The following C1orf21 variants were observed in gnomAD, a reference collection of about 807,000 sequenced individuals.
C1orf21 encodes chromosome 1 open reading frame 21.
In C1orf21, 3 loss-of-function variants were observed where a neutral mutation model predicts 18.7. The observed-to-expected ratio is 0.16, with a 90% confidence interval of 0.07 to 0.42. The LOEUF is 0.42. Among genes scored for constraint, C1orf21 ranks in the 10% least tolerant of loss-of-function variants. The probability of loss-of-function intolerance (pLI) is 0.99; values close to 1 mark genes in which losing one functional copy is unlikely to be tolerated. For synonymous variants in C1orf21, 41 were observed against 46.4 expected (o/e 0.88, Z 0.47); for missense variants, 104 against 143.6 (o/e 0.72, Z 1.41).
intron 2 of C1orf21, among the ~76,000 whole-genome samples, chr1:184,486,594 G>A (rs564917332): frequency 2.6e-5 from 4 of 152,060 alleles, no homozygotes; most frequent in Non-Finnish European, 5.9e-5. Context: ...GCTAGATGCC[G>A]CCTTGATGCC....
At chr1:184,588,747 T>C (rs565409067) in intron 3 of C1orf21, among the ~76,000 whole-genome samples, 19 of 152,252 alleles carry the variant, frequency 1.2e-4, no homozygotes, top group Non-Finnish European at 2.6e-4. Flanking sequence ...TGGTTATTAT[T>C]GGTCTTGGTG....
intron 3 of C1orf21, among the ~76,000 whole-genome samples, chr1:184,559,883 C>T (rs766335577): frequency 2.0e-5 from 3 of 152,094 alleles, no homozygotes; most frequent in Non-Finnish European, 2.9e-5. Context: ...TCCCAAAGTG[C>T]TAGGATTACA....
chr1:184,547,528 A>T (rs1354279139), intron 3 of C1orf21, among the ~76,000 whole-genome samples: 4 of 151,030 alleles, frequency 2.6e-5, no homozygotes, highest in South Asian at 4.2e-4. Context: ...ACAGGGAGGA[A>T]ATCTAGGAAA....
chr1:184,577,886 T>C (rs998744561), intron 3 of C1orf21, among the ~76,000 whole-genome samples: 2 of 152,102 alleles, frequency 1.3e-5, no homozygotes, highest in Non-Finnish European at 1.5e-5. Flanking sequence ...CAGAAAAATC[T>C]AGTTTTAAAG....
Position 184,512,003 on chromosome 1 carries a change from T to C in C1orf21, c.189+4321T>C, listed in dbSNP as rs77020706. On this transcript the variant is annotated intron_variant, in intron 3 of 5. Coordinates refer to ENST00000235307, the MANE Select transcript of C1orf21 (RefSeq NM_030806.4). ...TGGGTAGGCACACAGAGCCAGACTG[T>C]ATCACTTGAGTGTAAATGGGGCAGC... Among the ~76,000 whole-genome samples the C allele has an allele frequency of 3.0e-3, 464 of 152,256 alleles. 1 individual carries two copies. Among genetic ancestry groups the C allele is most frequent in the Middle Eastern group, 0.02 (6 of 294 alleles).
intron 1 of C1orf21, among the ~76,000 whole-genome samples, chr1:184,441,091 G>A (rs1035394052): frequency 4.6e-5 from 7 of 152,174 alleles, no homozygotes; most frequent in African/African-American, 1.7e-4. Context: ...TAAGTCTTCT[G>A]TTAGCAGAAA....
chr1:184,457,522 A>G (rs750832466), intron 1 of C1orf21, among the ~76,000 whole-genome samples: 1 of 152,190 alleles, frequency 6.6e-6, no homozygotes, highest in Non-Finnish European at 1.5e-5. Flanking sequence ...GAATAAGTCT[A>G]CCGCAGGCAA....
intron 1 of C1orf21, among the ~76,000 whole-genome samples, chr1:184,446,164 G>C (rs1350355034): frequency 6.6e-6 from 1 of 152,090 alleles, no homozygotes; most frequent in African/African-American, 2.4e-5. Flanking sequence ...TTATTGCGAT[G>C]GATGTCAGTT....
In C1orf21 at chr1:184,628,186, TC is replaced by T. The variant is rs1485290519; in HGVS notation, c.*8632del. 6.6e-6 allele frequency: 1 copy of T among 152,198 alleles called. No individual in the cohort carries two copies. Among genetic ancestry groups the T allele is most frequent in the African/African-American group, 2.4e-5 (1 of 41,450 alleles). The allele number at this position is 152,198 out of a possible 1,614,324, so 9.4% of individuals were successfully genotyped here. Reference sequence around the variant, plus strand: ...AACCACTCTGCCTGCACATGAATTCTCCAAAGCAGTGGGCCCCCATCTGTTT... The same window carrying T: ...AACCACTCTGCCTGCACATGAATTCTCAAAGCAGTGGGCCCCCATCTGTTT... On this transcript the variant is annotated 3_prime_UTR_variant, in exon 6 of 6. Coordinates refer to ENST00000235307, the MANE Select transcript of C1orf21 (RefSeq NM_030806.4).
intron 3 of C1orf21, among the ~76,000 whole-genome samples, chr1:184,573,771 C>T (rs1465707867): frequency 6.6e-6 from 1 of 152,172 alleles, no homozygotes; most frequent in Non-Finnish European, 1.5e-5. Context: ...CCCCAAACCT[C>T]AGCATCAAGC....
intron 1 of C1orf21, among the ~76,000 whole-genome samples, chr1:184,439,956 A>C (rs886269083): frequency 6.6e-6 from 1 of 152,242 alleles, no homozygotes; most frequent in Non-Finnish European, 1.5e-5. Context: ...ATAAGAATTC[A>C]GTATGGTAGC....
chr1:184,454,177 G>A (rs1417342536), intron 1 of C1orf21, among the ~76,000 whole-genome samples: 2 of 152,148 alleles, frequency 1.3e-5, no homozygotes, highest in East Asian at 3.9e-4. Context: ...TCAAAGGAAA[G>A]GATAGCAATA....
chr1:184,586,279 T>A (rs1020587683), intron 3 of C1orf21, among the ~76,000 whole-genome samples: 3 of 143,098 alleles, frequency 2.1e-5, no homozygotes, highest in African/African-American at 8.0e-5. Context: ...TCATGTCTTT[T>A]GTCCACTTTT....
chr1:184,598,279 G>T lies in C1orf21; in HGVS notation c.267-122G>T, dbSNP rs568001000. On this transcript the variant is annotated intron_variant, in intron 4 of 5. Transcript: ENST00000235307. ...CTTAATGTAACTTCAGAGTATTTCA[G>T]TGGAAAAGTCTGCAATAAATAAATG... 11 of 772,978 alleles carry T rather than the reference G, an allele frequency of 1.4e-5. No individual in the cohort carries two copies. In the East Asian group the frequency reaches 2.9e-4, roughly 21 times the overall value. 47.9% of individuals were successfully genotyped at this position (772,978 alleles called of 1,614,324 possible).
Position 184,433,250 on chromosome 1 carries a change from T to G in C1orf21, c.-124-44136T>G, listed in dbSNP as rs78792051. Reference sequence around the variant, plus strand: ...AACCCTAGCCATGGAAAATCCTTTCTTCTTCTCCTCAGAGTGCCAACAGTG... The same window carrying G: ...AACCCTAGCCATGGAAAATCCTTTCGTCTTCTCCTCAGAGTGCCAACAGTG... On this transcript the variant is annotated intron_variant, in intron 1 of 5. Coordinates refer to ENST00000235307, the MANE Select transcript of C1orf21 (RefSeq NM_030806.4). Among the ~76,000 whole-genome samples, 1,167 of 151,900 alleles carry G rather than the reference T, an allele frequency of 7.7e-3. 16 individuals carry two copies. Among genetic ancestry groups the G allele is most frequent in the African/African-American group, 0.026 (1,100 of 41,510 alleles).
intron 1 of C1orf21, among the ~76,000 whole-genome samples, chr1:184,434,918 G>C (rs183998050): frequency 6.6e-6 from 1 of 152,298 alleles, no homozygotes; most frequent in East Asian, 1.9e-4. Context: ...GGTGGGTTTT[G>C]AGCCAGGGAG....
intron 1 of C1orf21, among the ~76,000 whole-genome samples, chr1:184,394,946 C>G (rs1656027658): frequency 2.0e-5 from 3 of 151,730 alleles, no homozygotes; most frequent in African/African-American, 7.3e-5. Flanking sequence ...ACTCCCAAAA[C>G]AAATTTTATG....
At chr1:184,428,674 T>C (rs553275090) in intron 1 of C1orf21, among the ~76,000 whole-genome samples, 1 of 152,346 alleles carries the variant, frequency 6.6e-6, no homozygotes, top group South Asian at 2.1e-4. Flanking sequence ...TCTGATTTAC[T>C]TTTGTATCTT....
intron 4 of C1orf21, among the ~76,000 whole-genome samples, chr1:184,594,967 C>A (rs1220755207): frequency 6.6e-6 from 1 of 152,154 alleles, no homozygotes; most frequent in Non-Finnish European, 1.5e-5. Flanking sequence ...GTTTACTTTG[C>A]ATTAAGATGC....
Sources: allele counts gnomAD v4.1 joint callset (sites outside exome capture counted in the v4.1 genomes callset), GRCh38; gene constraint gnomAD v4.1.1; transcripts MANE v1.5; gene names NCBI Gene and HGNC (gene_info 2026-07-23, HGNC 2026-07-21).